The following MCF2L2 variants were observed in gnomAD, a reference collection of about 807,000 sequenced individuals.
MCF2L2 encodes MCF.2 cell line derived transforming sequence-like 2, also known as probable guanine nucleotide exchange factor MCF2L2.
Under a neutral mutation model 150.2 loss-of-function variants are expected in MCF2L2, and 102 were observed. The observed-to-expected ratio is 0.68, with a 90% CI of 0.58 to 0.80. MCF2L2 has a LOEUF of 0.80. Ranked by LOEUF, MCF2L2 falls within the 30% of genes least tolerant of loss-of-function variation. The probability of loss-of-function intolerance (pLI) is 0.00; values close to 1 mark genes in which losing one functional copy is unlikely to be tolerated. For synonymous variants in MCF2L2, 465 were observed against 491.3 expected (o/e 0.95, Z 0.71); for missense variants, 1,256 against 1,372.8 (o/e 0.91, Z 1.34).
intron 5 of MCF2L2, among the ~76,000 whole-genome samples, chr3:183,328,273 T>TTTCC (rs1379239390): frequency 2.6e-5 from 4 of 152,164 alleles, no homozygotes; most frequent in Non-Finnish European, 5.9e-5. Context: ...AAGTAAAGTG[T>TTTCC]TTCCCTTAGT....
intron 25 of MCF2L2, among the ~76,000 whole-genome samples, chr3:183,199,088 C>T (rs114670334): frequency 0.012 from 1,886 of 152,184 alleles, 21 homozygotes; most frequent in Admixed American, 0.026. Context: ...GTTTTTGTGA[C>T]AGAAAACTGA....
chr3:183,415,140 A>C (rs1183501190), intron 1 of MCF2L2, among the ~76,000 whole-genome samples: 1 of 152,156 alleles, frequency 6.6e-6, no homozygotes, highest in Non-Finnish European at 1.5e-5. Flanking sequence ...CACATTACTG[A>C]AAGTGACATA....
At chr3:183,235,542 GTTGT>G (rs1445991448) in intron 15 of MCF2L2, among the ~76,000 whole-genome samples, 2 of 48,066 alleles carry the variant, frequency 4.2e-5, no homozygotes, top group Non-Finnish European at 6.6e-5. Flanking sequence ...TTTTGATGGG[GTTGT>G]TTGTTTTTTT....
intron 13 of MCF2L2, among the ~76,000 whole-genome samples, chr3:183,291,496 C>G (rs1728141352): frequency 6.6e-6 from 1 of 152,200 alleles, no homozygotes; most frequent in South Asian, 2.1e-4. Context: ...AAAGTTTTTT[C>G]ACGTTCCTTA....
chr3:183,195,876 C>T (rs941582405), intron 25 of MCF2L2, among the ~76,000 whole-genome samples: 2 of 152,206 alleles, frequency 1.3e-5, no homozygotes, highest in African/African-American at 4.8e-5. Context: ...TTTCAAGGTT[C>T]CTGGGCCCAC....
intron 11 of MCF2L2, chr3:183,298,938 TC>T (rs1282482469): frequency 1.3e-5 from 2 of 151,618 alleles, no homozygotes; most frequent in African/African-American, 2.4e-5. Flanking sequence ...GACATTAAAA[TC>T]CCTTTAGCAA....
intron 26 of MCF2L2, among the ~76,000 whole-genome samples, chr3:183,193,998 C>A (rs1357180726): frequency 6.6e-6 from 1 of 152,154 alleles, no homozygotes; most frequent in Non-Finnish European, 1.5e-5. Context: ...ACTAATAAGA[C>A]AAACTCCATG....
At chr3:183,389,658 C>A (rs936024613) in intron 2 of MCF2L2, 38 bp downstream of exon 2, 2 of 1,546,848 alleles carry the variant, frequency 1.3e-6, no homozygotes, top group Non-Finnish European at 1.8e-6. Context: ...AAGACCCCCC[C>A]ATCAAAATCT....
chr3:183,224,029 T>G, intron 19 of MCF2L2, 69 bp downstream of exon 19: 1 of 1,174,266 alleles, frequency 8.5e-7, no homozygotes, highest in South Asian at 1.2e-5. Flanking sequence ...CTAGTCCCAC[T>G]TTTGATTTCT....
chr3:183,226,579 TA>T (rs1426021301), intron 18 of MCF2L2: 3 of 152,386 alleles, frequency 2.0e-5, no homozygotes, highest in African/African-American at 7.2e-5. Context: ...AAAAACTTTG[TA>T]AAACTTTACA....
chr3:183,336,848 T>C, intron 5 of MCF2L2, among the ~76,000 whole-genome samples: 1 of 139,962 alleles, frequency 7.1e-6, no homozygotes, highest in Non-Finnish European at 1.5e-5. Flanking sequence ...AGAGTGAAAC[T>C]CCATCTCAAA....
chr3:183,365,539 A>C (rs893767694), intron 3 of MCF2L2, among the ~76,000 whole-genome samples: 1 of 152,248 alleles, frequency 6.6e-6, no homozygotes, highest in Non-Finnish European at 1.5e-5. Context: ...TTTTAAAATT[A>C]ATGGTGTTCA....
intron 1 of MCF2L2, among the ~76,000 whole-genome samples, chr3:183,406,817 T>C (rs1715068540): frequency 3.9e-5 from 6 of 152,144 alleles, no homozygotes. Context: ...CCCCAGATGG[T>C]GGGTTGTCTT....
At chr3:183,275,775 C>T (rs987573472) in intron 15 of MCF2L2, among the ~76,000 whole-genome samples, 2 of 152,072 alleles carry the variant, frequency 1.3e-5, no homozygotes, top group Non-Finnish European at 2.9e-5. Context: ...CACCACATCC[C>T]GCTAAATGTT....
At chr3:183,218,078 T>A (rs531766116) in intron 21 of MCF2L2, among the ~76,000 whole-genome samples, 1 of 152,358 alleles carries the variant, frequency 6.6e-6, no homozygotes, top group South Asian at 2.1e-4. Flanking sequence ...CTGCTCCGCA[T>A]CTGGCCCTGA....
chr3:183,386,714 C>T (rs1713850943), intron 2 of MCF2L2, among the ~76,000 whole-genome samples: 1 of 152,224 alleles, frequency 6.6e-6, no homozygotes, highest in Admixed American at 6.5e-5. Flanking sequence ...TAGGCTACCA[C>T]AGCCATGGGA....
At position 183,179,711 on chromosome 3, in the gene MCF2L2, G is replaced by T; in HGVS notation, c.3106-19C>A. 1.3e-6 allele frequency: 2 copies of T among 1,597,738 alleles called. No individual in the cohort carries two copies. Among genetic ancestry groups the T allele is most frequent in the South Asian group, 2.2e-5 (2 of 90,692 alleles). ...CCGCGAGCTGGAAGGGAGGGGACGG[G>T]TGCACCCTCAGAGTTATTGCTGGAG... On this transcript the variant is annotated intron_variant, in intron 28 of 29. Transcript: ENST00000328913. This position sits in a 1 kb window ranked among gnomAD's most constrained non-coding sequence, Gnocchi z 4.2.
chr3:183,371,347 A>C (rs2108577384), intron 3 of MCF2L2, among the ~76,000 whole-genome samples: 1 of 152,106 alleles, frequency 6.6e-6, no homozygotes, highest in South Asian at 2.1e-4. Flanking sequence ...CAATCTATAC[A>C]CGTAAGATGT....
intron 14 of MCF2L2, among the ~76,000 whole-genome samples, chr3:183,278,715 G>A (rs979948300): frequency 3.3e-5 from 5 of 152,094 alleles, no homozygotes; most frequent in South Asian, 2.1e-4. Flanking sequence ...GTGCTCTTTC[G>A]AACTCCGTTG....
Sources: allele counts gnomAD v4.1 joint callset (sites outside exome capture counted in the v4.1 genomes callset), GRCh38; gene constraint gnomAD v4.1.1; non-coding constraint Gnocchi (gnomAD v3.1); transcripts MANE v1.5; gene names NCBI Gene and HGNC (gene_info 2026-07-23, HGNC 2026-07-21).